Variants in PIK3CA observed in about 807,000 individuals in gnomAD.
PIK3CA encodes the protein phosphatidylinositol 4,5-bisphosphate 3-kinase catalytic subunit alpha isoform.
PIK3CA carries 27 observed loss-of-function variants against 138.2 expected under a neutral mutation model. That is an observed-to-expected ratio of 0.20 (90% CI 0.14 to 0.27). The LOEUF (loss-of-function observed/expected upper bound fraction) is 0.27, where lower values mean the gene tolerates loss of function less well. PIK3CA is among the 10% of genes least tolerant of loss of function. PIK3CA has a pLI of 1.00. For missense variants in PIK3CA, 544 were observed against 1,277.4 expected (o/e 0.43, Z 8.75); for synonymous variants, 358 against 413.2 (o/e 0.87, Z 1.62).
intron 1 of PIK3CA, among the ~76,000 whole-genome samples, chr3:179,156,708 A>C (rs1177963657): frequency 6.6e-6 from 1 of 152,218 alleles, no homozygotes; most frequent in Non-Finnish European, 1.5e-5. Context: ...TAACCAGCAC[A>C]CTGCTCAGGT....
chr3:179,155,693 A>G (rs907030539), intron 1 of PIK3CA, among the ~76,000 whole-genome samples: 1 of 152,214 alleles, frequency 6.6e-6, no homozygotes, highest in Non-Finnish European at 1.5e-5. Flanking sequence ...TTGAACCTCT[A>G]TGGATTCTGG....
chr3:179,162,859 TAAAA>T (rs536763876), intron 1 of PIK3CA, among the ~76,000 whole-genome samples: 1 of 145,502 alleles, frequency 6.9e-6, no homozygotes, highest in Non-Finnish European at 1.5e-5. Flanking sequence ...TTCTCTTCTT[TAAAA>T]AAAAAAAAGT....
At chr3:179,172,883 T>A (rs976392145) in intron 1 of PIK3CA, among the ~76,000 whole-genome samples, 5 of 152,166 alleles carry the variant, frequency 3.3e-5, no homozygotes, top group East Asian at 3.9e-4. Context: ...CTATAAAATC[T>A]GAACACTTAC....
intron 20 of PIK3CA, among the ~76,000 whole-genome samples, chr3:179,232,594 T>G (rs55863843): frequency 6.6e-6 from 1 of 152,160 alleles, no homozygotes; most frequent in Middle Eastern, 3.2e-3. Context: ...AGACTCTTTT[T>G]GGTCGGTTTT....
At chr3:179,202,943 T>G (rs1418341292) in intron 4 of PIK3CA, among the ~76,000 whole-genome samples, 1 of 147,498 alleles carries the variant, frequency 6.8e-6, no homozygotes, top group Admixed American at 6.7e-5. Context: ...ATCCTTGTTT[T>G]TTTTTTTTTT....
intron 6 of PIK3CA, among the ~76,000 whole-genome samples, chr3:179,205,822 A>G (rs193245356): frequency 1.2e-3 from 189 of 152,334 alleles, no homozygotes; most frequent in Middle Eastern, 3.4e-3. Flanking sequence ...TTTATGATAA[A>G]ATAACAATAG....
At chr3:179,168,257 AT>A (rs1166802358) in intron 1 of PIK3CA, among the ~76,000 whole-genome samples, 2 of 152,092 alleles carry the variant, frequency 1.3e-5, no homozygotes, top group Non-Finnish European at 2.9e-5. Context: ...AAAGACTTTT[AT>A]TTTTTCTTTA....
rs987291281 is a variant in PIK3CA, at chr3:179,157,438, CTT to C, written c.-77+8838_-77+8839del. Among the ~76,000 whole-genome samples the C allele has an allele frequency of 1.6e-4, 25 of 152,128 alleles. 1 individual carries two copies. The highest frequency in any genetic ancestry group is 1.4e-3 in the Admixed American group (22 of 15,286). ...TATTAGTAATTTTACAGTGTAGAGA[CTT>C]TTCTTCACTAGAAATGACCAGCTTT... On this transcript the variant is annotated intron_variant, in intron 1 of 20. Transcript: ENST00000263967.
intron 1 of PIK3CA, among the ~76,000 whole-genome samples, chr3:179,183,611 T>C (rs1482855384): frequency 2.6e-5 from 4 of 152,214 alleles, no homozygotes; most frequent in Non-Finnish European, 5.9e-5. Flanking sequence ...TTCTGTGCTT[T>C]ATATCTATTT....
chr3:179,176,447 G>T (rs2108366618), intron 1 of PIK3CA, among the ~76,000 whole-genome samples: 1 of 152,002 alleles, frequency 6.6e-6, no homozygotes, highest in Non-Finnish European at 1.5e-5. Context: ...TATGGTTTAG[G>T]GTTACAGTTT....
chr3:179,151,559 T>C (rs1576909546), intron 1 of PIK3CA, among the ~76,000 whole-genome samples: 1 of 152,226 alleles, frequency 6.6e-6, no homozygotes, highest in East Asian at 1.9e-4. Flanking sequence ...TGGTCTGAGA[T>C]GGATCCCAGT....
intron 1 of PIK3CA, among the ~76,000 whole-genome samples, chr3:179,179,967 T>A (rs1560130369): frequency 6.6e-6 from 1 of 152,050 alleles, no homozygotes; most frequent in Non-Finnish European, 1.5e-5. Context: ...TGGAGCATAT[T>A]TACAAAGGCA....
Position 179,238,666 on chromosome 3 carries a change from A to G in PIK3CA, c.*4302A>G. ...AATCGTTGGTCCAGCCATTTGAAAA[A>G]GGCAATAGTTTGAGGAGGTTCCCGA... is the stretch of plus-strand genomic sequence containing the variant. On this transcript the variant is annotated 3_prime_UTR_variant, in exon 21 of 21. Coordinates refer to ENST00000263967, the MANE Select transcript of PIK3CA (RefSeq NM_006218.4). 1 of 225,822 alleles carries G rather than the reference A, an allele frequency of 4.4e-6. No homozygotes were observed. Among genetic ancestry groups the G allele is most frequent in the African/African-American group, 2.2e-5 (1 of 45,040 alleles). 14.0% of individuals were successfully genotyped at this position (225,822 alleles called of 1,614,324 possible).
chr3:179,232,085 TC>T (rs1725226760), intron 20 of PIK3CA, among the ~76,000 whole-genome samples: 1 of 152,226 alleles, frequency 6.6e-6, no homozygotes, highest in Non-Finnish European at 1.5e-5. Flanking sequence ...GATGATTCTT[TC>T]TTTTGTTATG....
At chr3:179,200,166 ATTT>A (rs1724376037) in intron 3 of PIK3CA, among the ~76,000 whole-genome samples, 1 of 152,018 alleles carries the variant, frequency 6.6e-6, no homozygotes, top group Non-Finnish European at 1.5e-5. Context: ...GAAATTTACT[ATTT>A]TTTAGGATTC....
intron 1 of PIK3CA, among the ~76,000 whole-genome samples, chr3:179,193,665 TG>T (rs1204051619): frequency 6.6e-6 from 1 of 152,244 alleles, no homozygotes; most frequent in East Asian, 1.9e-4. Flanking sequence ...TCTAAGCAAA[TG>T]GGACTGCTCT....
intron 1 of PIK3CA, among the ~76,000 whole-genome samples, chr3:179,195,675 T>A (rs1724249700): frequency 6.6e-6 from 1 of 152,194 alleles, no homozygotes; most frequent in Non-Finnish European, 1.5e-5. Context: ...ATGGTTATAA[T>A]ATGGGCTTTA....
chr3:179,175,456 G>A (rs572008720), intron 1 of PIK3CA, among the ~76,000 whole-genome samples: 3 of 152,040 alleles, frequency 2.0e-5, no homozygotes, highest in East Asian at 1.9e-4. Flanking sequence ...GGTGTGCATC[G>A]TTTATCTGTT....
chr3:179,231,980 G>T (rs553879946), intron 20 of PIK3CA, among the ~76,000 whole-genome samples: 1 of 152,002 alleles, frequency 6.6e-6, no homozygotes, highest in African/African-American at 2.4e-5. Context: ...GTTTCTTGCT[G>T]ATTTGAGTTC....
Sources: gnomAD v4.1 joint callset for allele counts (sites outside exome capture counted in the v4.1 genomes callset) on GRCh38, gnomAD v4.1.1 for gene constraint, MANE v1.5 for transcripts, NCBI Gene and HGNC (gene_info 2026-07-23, HGNC 2026-07-21) for gene names.